RPRD2: variants seen among roughly 807,000 people sequenced by gnomAD.
RPRD2 encodes the protein regulation of nuclear pre-mRNA domain containing 2.
A neutral mutation model predicts 104.4 loss-of-function variants in RPRD2; 12 were observed. The observed-to-expected ratio is 0.11, with a 90% confidence interval of 0.07 to 0.19. The LOEUF (loss-of-function observed/expected upper bound fraction) is 0.19, where lower values mean the gene tolerates loss of function less well. Among genes scored for constraint, RPRD2 ranks in the 10% least tolerant of loss-of-function variants. The pLI is 1.00. For missense variants in RPRD2, 1,543 were observed against 1,790.1 expected, an observed-to-expected ratio of 0.86 and a Z score of 2.49; for synonymous variants, 714 against 684.9, an observed-to-expected ratio of 1.04 and a Z score of -0.66.
At chr1:150,454,452 G>T (rs1247982719) in intron 7 of RPRD2, among the ~76,000 whole-genome samples, 4 of 151,944 alleles carry the variant, frequency 2.6e-5, no homozygotes, top group African/African-American at 9.7e-5. Flanking sequence ...TGTGTATCTG[G>T]CTTTTCTACT....
intron 1 of RPRD2, among the ~76,000 whole-genome samples, chr1:150,394,712 T>C (rs1662355135): frequency 6.6e-6 from 1 of 152,014 alleles, no homozygotes; most frequent in East Asian, 1.9e-4. Flanking sequence ...CACCTCAGCC[T>C]CCAGAGTAGG....
chr1:150,426,102 A>G (rs1665106373), intron 2 of RPRD2, among the ~76,000 whole-genome samples: 1 of 152,044 alleles, frequency 6.6e-6, no homozygotes, highest in African/African-American at 2.4e-5. Flanking sequence ...CCCTGTCTCA[A>G]ACAAACAAAC....
At chr1:150,444,604 T>G (rs1026315599) in intron 6 of RPRD2, among the ~76,000 whole-genome samples, 4 of 152,224 alleles carry the variant, frequency 2.6e-5, no homozygotes, top group Non-Finnish European at 4.4e-5. Flanking sequence ...GACAGTTGTA[T>G]TTCACATGTA....
chr1:150,471,085 A>G lies in RPRD2; in HGVS notation c.2137A>G (p.Thr713Ala). Residue 713 changes from threonine to alanine, a missense_variant, in exon 11 of 11, where the codon ACT becomes GCT. Thr to Ala is a moderately conservative substitution (Grantham distance 58). Around this residue, in one of 4 missense-constraint regions of RPRD2, gnomAD observed 572 missense variants for 787.3 expected, o/e 0.73. Coordinates refer to ENST00000369068, the MANE Select transcript of RPRD2 (RefSeq NM_015203.5). This position sits in a 1 kb window ranked among gnomAD's most constrained non-coding sequence, Gnocchi z 5.3. ...SHPSDFQRGPTSTSIDNIDGT... is the reference protein window; with the variant it reads ...SHPSDFQRGPASTSIDNIDGT... ...TCCCTCAGACTTCCAGCGTGGCCCT[A>G]CTAGCACCTCAATCGACAACATTGA... 6 of 1,613,914 alleles carry G rather than the reference A, an allele frequency of 3.7e-6. No individual in the cohort carries two copies. Among genetic ancestry groups the G allele is most frequent in the African/African-American group, 1.3e-5 (1 of 75,018 alleles).
intron 10 of RPRD2, among the ~76,000 whole-genome samples, chr1:150,465,083 G>A (rs1177855284): frequency 6.6e-6 from 1 of 152,024 alleles, no homozygotes; most frequent in Non-Finnish European, 1.5e-5. Context: ...TGGCCAGGCT[G>A]GTCTCAAACT....
At chr1:150,446,022 C>A (rs1342053072) in intron 6 of RPRD2, among the ~76,000 whole-genome samples, 1 of 146,612 alleles carries the variant, frequency 6.8e-6, no homozygotes, top group Non-Finnish European at 1.5e-5. Context: ...CAGCTGAGAT[C>A]GCGCCACTGC....
intron 1 of RPRD2, among the ~76,000 whole-genome samples, chr1:150,403,261 G>T (rs1166559813): frequency 6.6e-6 from 1 of 151,946 alleles, no homozygotes; most frequent in Non-Finnish European, 1.5e-5. Context: ...TTAAACTGTG[G>T]TAAAGTACAC....
intron 1 of RPRD2, among the ~76,000 whole-genome samples, chr1:150,374,814 T>G (rs1553879166): frequency 6.6e-6 from 1 of 152,202 alleles, no homozygotes; most frequent in East Asian, 1.9e-4. Flanking sequence ...TCTAGTGTGT[T>G]ATTGGCTTAG....
At chr1:150,458,000 G>T (rs1667655433) in intron 8 of RPRD2, among the ~76,000 whole-genome samples, 1 of 152,136 alleles carries the variant, frequency 6.6e-6, no homozygotes, top group Non-Finnish European at 1.5e-5. Context: ...GAACCTGAGA[G>T]AGGGGTTGCA....
intron 2 of RPRD2, among the ~76,000 whole-genome samples, chr1:150,422,856 C>A (rs1553889962): frequency 1.3e-5 from 2 of 152,114 alleles, no homozygotes; most frequent in Non-Finnish European, 2.9e-5. Context: ...GGGGTGGACT[C>A]ACGGCCACAT....
intron 1 of RPRD2, among the ~76,000 whole-genome samples, chr1:150,387,494 T>C (rs1394877248): frequency 4.0e-5 from 6 of 150,296 alleles, no homozygotes; most frequent in African/African-American, 1.5e-4. Flanking sequence ...TTTCTAGTCA[T>C]GTGACAGGCT....
chr1:150,442,045 A>G (rs1418269970), intron 4 of RPRD2, 87 bp downstream of exon 4: 1 of 1,046,790 alleles, frequency 9.6e-7, no homozygotes, highest in African/African-American at 1.6e-5. Context: ...CGTACCTGGC[A>G]TAAACCATGG....
At chr1:150,462,757 A>G (rs990648543) in intron 9 of RPRD2, among the ~76,000 whole-genome samples, 1 of 152,060 alleles carries the variant, frequency 6.6e-6, no homozygotes, top group Non-Finnish European at 1.5e-5. Flanking sequence ...GGCTTTTACC[A>G]TGTTAGCCAG....
Position 150,384,492 on chromosome 1 carries a change from TAGG to T in RPRD2, c.205+19574_205+19576del, listed in dbSNP as rs200392525. Among the ~76,000 whole-genome samples, 282 of 138,190 alleles carry T rather than the reference TAGG, an allele frequency of 2.0e-3. 1 individual carries two copies. The highest frequency in any genetic ancestry group is 7.6e-3 in the African/African-American group (263 of 34,674). The allele number at this position is 138,190 out of a possible 152,430, so 90.7% of individuals were successfully genotyped here. A position where few individuals can be genotyped will look rare whatever the true frequency, so the allele number is the denominator to read the frequency against. On this transcript the variant is annotated intron_variant, in intron 1 of 10. Coordinates refer to ENST00000369068, the MANE Select transcript of RPRD2 (RefSeq NM_015203.5). ...TTATTATTATTATTATTATTATTAT[TAGG>T]GATGGAGCTCTTGTTGCCCAGGCTG...
rs1340039634 is a variant in RPRD2, at chr1:150,439,840, C to T, written c.336-1083C>T. Among the ~76,000 whole-genome samples, 3 of 152,056 alleles carry T rather than the reference C, an allele frequency of 2.0e-5. No homozygotes were observed. The East Asian group carries it at 5.8e-4, about 29-fold the overall frequency. The stretch of plus-strand genomic sequence containing the variant: ...AGATCACACCAGTTTGATTCCTCTC[C>T]CTGACAATGGTTACGCCCTTCCTGC... On this transcript the variant is annotated intron_variant, in intron 2 of 10. Transcript: ENST00000369068.
In RPRD2 at chr1:150,417,696, T is replaced by G; in HGVS notation, c.306T>G (p.Asp102Glu). 1 of 1,607,188 alleles carries G rather than the reference T, an allele frequency of 6.2e-7. No individual in the cohort carries two copies. ...NAIIFRESFADVLPEAAALVK... is the reference protein window; with the variant it reads ...NAIIFRESFAEVLPEAAALVK... ...TCATATTCCGTGAATCATTTGCTGA[T>G]GTACTTCCTGAAGCAGCTGCTCTAG... The change falls in exon 2 of 11, where the codon GAT becomes GAG. Residue 102 changes from aspartate (D) to glutamate (E), a missense_variant. Asp to Glu is a conservative substitution (Grantham distance 45). Coordinates refer to ENST00000369068, the MANE Select transcript of RPRD2 (RefSeq NM_015203.5).
Position 150,417,678 on chromosome 1 carries a change from C to T in RPRD2, c.288C>T (p.Phe96=), listed in dbSNP as rs782207876. The change falls in exon 2 of 11, where the codon TTC becomes TTT. Residue 96 remains phenylalanine (F), a synonymous_variant. Coordinates refer to ENST00000369068, the MANE Select transcript of RPRD2 (RefSeq NM_015203.5). ...QNCKRKNAII[F]RESFADVLPE... is the part of the protein sequence containing the mutation. ...GTAAAAGGAAAAATGCAATCATATTCCGTGAATCATTTGCTGATGTACTTC... is the reference window on the plus strand; with the variant it reads ...GTAAAAGGAAAAATGCAATCATATTTCGTGAATCATTTGCTGATGTACTTC... The T allele has an allele frequency of 1.2e-6, 2 of 1,608,488 alleles. No homozygotes were observed. The highest frequency in any genetic ancestry group is 3.3e-5 in the Admixed American group (2 of 59,758).
intron 1 of RPRD2, among the ~76,000 whole-genome samples, chr1:150,400,430 A>T (rs1446044535): frequency 6.6e-6 from 1 of 152,078 alleles, no homozygotes; most frequent in Non-Finnish European, 1.5e-5. Context: ...AGAGACTGGG[A>T]TGGGGTTGGT....
rs756386102 is a variant in RPRD2, at chr1:150,471,339, A to G, written c.2391A>G (p.Glu797=). 3 of 1,613,630 alleles carry G rather than the reference A, an allele frequency of 1.9e-6. No homozygotes were observed. The highest frequency in any genetic ancestry group is 2.2e-5 in the South Asian group (2 of 91,054). The part of the protein sequence containing the change: ...STYRPFGLGS[E]SPYKQPSDGM... The stretch of plus-strand genomic sequence containing the variant: ...ATCGACCCTTTGGTCTGGGCAGTGA[A>G]TCTCCCTATAAGCAGCCTTCTGATG... Residue 797 remains glutamate, a synonymous_variant, in exon 11 of 11, where the codon GAA becomes GAG. Coordinates refer to ENST00000369068, the MANE Select transcript of RPRD2 (RefSeq NM_015203.5). This position sits in a 1 kb window ranked among gnomAD's most constrained non-coding sequence, Gnocchi z 5.3.
Sources: gnomAD v4.1 joint callset for allele counts (sites outside exome capture counted in the v4.1 genomes callset) on GRCh38, gnomAD v4.1.1 for gene constraint, gnomAD v4.1.1 regional missense constraint, Gnocchi (gnomAD v3.1) non-coding constraint, MANE v1.5 for transcripts, NCBI Gene and HGNC (gene_info 2026-07-23, HGNC 2026-07-21) for gene names.